The following CPB2 variants were observed in gnomAD, a reference collection of about 807,000 sequenced individuals.
The protein encoded by CPB2 is carboxypeptidase B2, also known as carboxypeptidase B-like protein.
Under a neutral mutation model 57.0 loss-of-function variants are expected in CPB2, and 54 were observed. The observed-to-expected ratio is 0.95, with a 90% confidence interval of 0.76 to 1.19. The LOEUF is 1.19. Among genes scored for constraint, CPB2 ranks in the 50% most tolerant of loss-of-function variants. The pLI is 0.00. For missense variants in CPB2, 426 were observed against 512.0 expected (o/e 0.83, Z 1.62); for synonymous variants, 189 against 178.1 (o/e 1.06, Z -0.49).
intron 8 of CPB2, among the ~76,000 whole-genome samples, chr13:46,062,678 A>T (rs1051168605): frequency 1.3e-5 from 2 of 152,216 alleles, no homozygotes; most frequent in Non-Finnish European, 2.9e-5. Context: ...TCATTTAGTT[A>T]ATATTTTATG....
At chr13:46,094,045 TCTC>T (rs1458358085) in intron 1 of CPB2, among the ~76,000 whole-genome samples, 12 of 152,192 alleles carry the variant, frequency 7.9e-5, no homozygotes, top group Non-Finnish European at 1.8e-4. Context: ...TAAAGAAAAA[TCTC>T]CTTTGACTGT....
chr13:46,059,672 G>A (rs901001106), intron 8 of CPB2, among the ~76,000 whole-genome samples: 1 of 152,126 alleles, frequency 6.6e-6, no homozygotes, highest in African/African-American at 2.4e-5. Flanking sequence ...ATGAGAAGGG[G>A]AGAGGAAGGA....
chr13:46,088,794 T>C (rs542620475), intron 1 of CPB2, among the ~76,000 whole-genome samples: 1 of 152,320 alleles, frequency 6.6e-6, no homozygotes, highest in East Asian at 1.9e-4. Context: ...CGGCCATTCA[T>C]ATTTTTGCTT....
chr13:46,064,623 G>C, intron 8 of CPB2, 25 bp downstream of exon 8: 1 of 1,584,648 alleles, frequency 6.3e-7, no homozygotes. Context: ...AAGAGACATT[G>C]CAAGAAATAA....
chr13:46,073,270 T>C (rs907550368), intron 6 of CPB2, among the ~76,000 whole-genome samples: 1 of 152,174 alleles, frequency 6.6e-6, no homozygotes, highest in Non-Finnish European at 1.5e-5. Context: ...TATGCCCATT[T>C]TATAGGATTT....
chr13:46,097,955 T>G (rs1026107315), intron 1 of CPB2, among the ~76,000 whole-genome samples: 1 of 152,228 alleles, frequency 6.6e-6, no homozygotes, highest in African/African-American at 2.4e-5. Flanking sequence ...AGTTTCCTCA[T>G]GCTGATTGAT....
intron 6 of CPB2, among the ~76,000 whole-genome samples, chr13:46,073,102 C>G (rs2044967576): frequency 6.6e-6 from 1 of 152,176 alleles, no homozygotes; most frequent in African/African-American, 2.4e-5. Context: ...TCTTGATGTA[C>G]TTAATAAGTG....
intron 7 of CPB2, among the ~76,000 whole-genome samples, chr13:46,065,266 G>C (rs1018700751): frequency 2.0e-5 from 3 of 152,118 alleles, no homozygotes; most frequent in African/African-American, 7.2e-5. Context: ...ATTTGACTCT[G>C]GTTTTTAAAT....
chr13:46,087,672 T>A, intron 2 of CPB2, 73 bp downstream of exon 2: 1 of 963,144 alleles, frequency 1.0e-6, no homozygotes, highest in Non-Finnish European at 1.6e-6. Flanking sequence ...CCAGACAACA[T>A]ACAGGAGGAA....
intron 6 of CPB2, among the ~76,000 whole-genome samples, chr13:46,072,121 T>A (rs567241919): frequency 1.3e-5 from 2 of 152,250 alleles, no homozygotes; most frequent in South Asian, 4.1e-4. Flanking sequence ...CTCCCGAGAG[T>A]ACATGAATGA....
intron 7 of CPB2, 145 bp from the exon 8 acceptor site, chr13:46,064,886 T>C (rs2044830059): frequency 3.0e-6 from 2 of 657,706 alleles, no homozygotes; most frequent in African/African-American, 3.6e-5. Context: ...ATCACTGTTG[T>C]TGCAATATTC....
intron 1 of CPB2, among the ~76,000 whole-genome samples, chr13:46,093,015 C>A (rs550542422): frequency 2.0e-5 from 3 of 152,088 alleles, no homozygotes; most frequent in African/African-American, 7.2e-5. Flanking sequence ...TGGGTTCAAG[C>A]GATTCTCCTG....
chr13:46,078,191 C>A (rs17844217), intron 5 of CPB2, among the ~76,000 whole-genome samples: 326 of 152,048 alleles, frequency 2.1e-3, no homozygotes, highest in African/African-American at 7.5e-3. Flanking sequence ...TCACATGTAC[C>A]CCAGAAACAT....
intron 6 of CPB2, among the ~76,000 whole-genome samples, chr13:46,071,651 A>G (rs1382319346): frequency 6.6e-6 from 1 of 152,254 alleles, no homozygotes; most frequent in Non-Finnish European, 1.5e-5. Flanking sequence ...CAATAAAATA[A>G]GAGTGCAACC....
chr13:46,082,156 C>T (rs2045127979), intron 4 of CPB2, among the ~76,000 whole-genome samples: 1 of 152,046 alleles, frequency 6.6e-6, no homozygotes, highest in African/African-American at 2.4e-5. Context: ...TTAAAAGCCC[C>T]AATTCTTTAA....
chr13:46,061,169 T>A (rs2044767454), intron 8 of CPB2, among the ~76,000 whole-genome samples: 1 of 151,802 alleles, frequency 6.6e-6, no homozygotes, highest in Non-Finnish European at 1.5e-5. Context: ...TAAAAATTGT[T>A]AAAATGGCAA....
rs34686626 is a variant in CPB2, at chr13:46,095,876, C to CTTTTT, written c.75-8061_75-8057dup. ...CTGATGTGTGACTCTGGCTATAGGA[C>CTTTTT]TTTTTTTTTTTTTTTTTTTTTTGAG... On this transcript the variant is annotated intron_variant, in intron 1 of 10. Transcript: ENST00000181383. Among the ~76,000 whole-genome samples, 25 of 85,736 alleles carry CTTTTT rather than the reference C, an allele frequency of 2.9e-4. 1 individual carries two copies. The highest frequency in any genetic ancestry group is 3.8e-4 in the South Asian group (1 of 2,634). 56.2% of individuals were successfully genotyped at this position (85,736 alleles called of 152,430 possible). A position where few individuals can be genotyped will look rare whatever the true frequency, so the allele number is the denominator to read the frequency against.
intron 1 of CPB2, among the ~76,000 whole-genome samples, chr13:46,091,136 G>A (rs2045287424): frequency 6.6e-6 from 1 of 152,142 alleles, no homozygotes; most frequent in Admixed American, 6.5e-5. Context: ...AAATAAAAAT[G>A]ATTTTTGGTG....
At chr13:46,087,250 C>T (rs1566413523) in intron 2 of CPB2, among the ~76,000 whole-genome samples, 2 of 152,232 alleles carry the variant, frequency 1.3e-5, no homozygotes, top group Non-Finnish European at 2.9e-5. Context: ...CTTCTGCTGG[C>T]TCCGTGGAGC....
Sources: allele counts gnomAD v4.1 joint callset (sites outside exome capture counted in the v4.1 genomes callset), GRCh38; gene constraint gnomAD v4.1.1; transcripts MANE v1.5; gene names NCBI Gene and HGNC (gene_info 2026-07-23, HGNC 2026-07-21).